The following PTPRA variants were observed in gnomAD, a reference collection of about 807,000 sequenced individuals.
PTPRA encodes receptor-type tyrosine-protein phosphatase alpha.
PTPRA carries 25 observed loss-of-function variants against 104.8 expected under a neutral mutation model. The ratio of observed to expected loss-of-function variants is 0.24; its 90% CI spans 0.17 to 0.33. The LOEUF is 0.33. Among genes scored for constraint, PTPRA ranks in the 10% least tolerant of loss-of-function variants. The pLI, the probability that PTPRA is intolerant of heterozygous loss-of-function variation, is 1.00. For missense variants in PTPRA, 765 were observed against 1,015.3 expected, an observed-to-expected ratio of 0.75 and a Z score of 3.35; for synonymous variants, 323 against 368.9, an observed-to-expected ratio of 0.88 and a Z score of 1.43.
chr20:3,031,522 C>A (rs2065453697), intron 20 of PTPRA, among the ~76,000 whole-genome samples: 1 of 152,090 alleles, frequency 6.6e-6, no homozygotes, highest in Admixed American at 6.6e-5. Flanking sequence ...GATGATCCAT[C>A]TATCCTCAAT....
chr20:3,007,554 G>C (rs2063932701), intron 11 of PTPRA, 134 bp downstream of exon 11: 5 of 956,026 alleles, frequency 5.2e-6, no homozygotes, highest in Middle Eastern at 2.6e-4. Context: ...TTTTTTAAGT[G>C]ACTGAATTTT....
chr20:2,979,217 A>G (rs2062568885), intron 6 of PTPRA, among the ~76,000 whole-genome samples: 1 of 152,158 alleles, frequency 6.6e-6, no homozygotes, highest in African/African-American at 2.4e-5. Flanking sequence ...AGAATTTAAG[A>G]ATTTTTTCAG....
chr20:3,010,444 C>T (rs898832797), intron 11 of PTPRA, among the ~76,000 whole-genome samples: 1 of 151,646 alleles, frequency 6.6e-6, no homozygotes, highest in Non-Finnish European at 1.5e-5. Context: ...CTGGCTAACA[C>T]GGTGAAACCC....
intron 6 of PTPRA, among the ~76,000 whole-genome samples, chr20:2,980,344 G>T (rs2062619272): frequency 6.6e-6 from 1 of 151,930 alleles, no homozygotes; most frequent in African/African-American, 2.4e-5. Context: ...GAGGCAGGCT[G>T]ATCACCTGAG....
intron 2 of PTPRA, among the ~76,000 whole-genome samples, chr20:2,939,356 A>T (rs2060820845): frequency 6.6e-6 from 1 of 152,148 alleles, no homozygotes; most frequent in African/African-American, 2.4e-5. Context: ...GAGAAAGATG[A>T]GTTCACCCAC....
intron 6 of PTPRA, among the ~76,000 whole-genome samples, chr20:2,978,135 G>A (rs1231095028): frequency 6.6e-6 from 1 of 152,124 alleles, no homozygotes; most frequent in African/African-American, 2.4e-5. Flanking sequence ...GGGTGTGGTG[G>A]TCCACTGAGT....
intron 9 of PTPRA, among the ~76,000 whole-genome samples, chr20:3,003,474 T>C (rs1362057129): frequency 1.3e-5 from 2 of 152,204 alleles, no homozygotes; most frequent in African/African-American, 4.8e-5. Context: ...TTTTTAAGGC[T>C]CATAAAATGT....
intron 3 of PTPRA, among the ~76,000 whole-genome samples, chr20:2,954,500 G>T (rs2061467066): frequency 6.6e-6 from 1 of 152,318 alleles, no homozygotes; most frequent in Admixed American, 6.5e-5. Flanking sequence ...TGGGATTACA[G>T]GCATGAGCCA....
chr20:3,013,201 A>G lies in PTPRA; in HGVS notation c.907-2648A>G, dbSNP rs192025248. ...TGCGTAGAGAACTGAGACCACACAC[A>G]TGGATCTTGAAGGGAACTAGGCACC... On this transcript the variant is annotated intron_variant, in intron 11 of 23. Coordinates refer to ENST00000399903, the MANE Select transcript of PTPRA (RefSeq NM_001385305.1). 2.9e-3 allele frequency among the ~76,000 whole-genome samples: 444 copies of G among 152,216 alleles called. 5 individuals carry two copies. Among genetic ancestry groups the G allele is most frequent in the African/African-American group, 9.8e-3 (407 of 41,512 alleles).
At chr20:2,890,971 T>C (rs545525607) in intron 1 of PTPRA, among the ~76,000 whole-genome samples, 9 of 152,344 alleles carry the variant, frequency 5.9e-5, no homozygotes, top group Admixed American at 2.0e-4. Flanking sequence ...CTGGTCTCCA[T>C]TGGGCTATCT....
chr20:2,959,677 G>A (rs956173673), intron 3 of PTPRA, among the ~76,000 whole-genome samples: 6 of 152,134 alleles, frequency 3.9e-5, no homozygotes, highest in African/African-American at 1.2e-4. Flanking sequence ...TTCCGGCCAG[G>A]CGCGGTGGCT....
chr20:2,980,712 A>T (rs550187475), intron 6 of PTPRA, among the ~76,000 whole-genome samples: 4 of 152,216 alleles, frequency 2.6e-5, no homozygotes, highest in East Asian at 3.9e-4. Flanking sequence ...AAGAAAAAAA[A>T]TTTTTTTAAA....
Position 2,944,230 on chromosome 20 carries a change from T to A in PTPRA, c.-49-3752T>A, listed in dbSNP as rs149997429. On this transcript the variant is annotated intron_variant, in intron 2 of 23. Coordinates refer to ENST00000399903, the MANE Select transcript of PTPRA (RefSeq NM_001385305.1). The stretch of plus-strand genomic sequence containing the variant: ...CTAATTTTTTTATTTTTAGTAGATA[T>A]AGGGTTTCACCATGTTGGCCAGGCT... 2.0e-5 allele frequency among the ~76,000 whole-genome samples: 3 copies of A among 152,050 alleles called. 1 individual carries two copies. Among genetic ancestry groups the A allele is most frequent in the African/African-American group, 7.2e-5 (3 of 41,468 alleles).
At chr20:2,890,409 G>A (rs2058749902) in intron 1 of PTPRA, among the ~76,000 whole-genome samples, 1 of 152,094 alleles carries the variant, frequency 6.6e-6, no homozygotes, top group Admixed American at 6.6e-5. Flanking sequence ...CTAGTAAATG[G>A]GTTCAGCTGT....
chr20:2,973,481 C>T (rs76949432), intron 5 of PTPRA, among the ~76,000 whole-genome samples: 476 of 152,220 alleles, frequency 3.1e-3, no homozygotes, highest in Middle Eastern at 0.024. Context: ...TAAATAAGAC[C>T]AAAGTGTCTT....
At chr20:3,014,363 C>T (rs919575758) in intron 11 of PTPRA, among the ~76,000 whole-genome samples, 4 of 151,878 alleles carry the variant, frequency 2.6e-5, no homozygotes, top group Non-Finnish European at 5.9e-5. Flanking sequence ...TCAGACCAGG[C>T]ACGGTGGCTC....
chr20:2,962,504 A>G (rs2061790869), intron 3 of PTPRA, among the ~76,000 whole-genome samples: 1 of 152,196 alleles, frequency 6.6e-6, no homozygotes, highest in Non-Finnish European at 1.5e-5. Context: ...CTATTAATTT[A>G]TCAAGAATAG....
chr20:2,897,384 CTTTT>C (rs60627339), intron 1 of PTPRA, among the ~76,000 whole-genome samples: 1 of 108,930 alleles, frequency 9.2e-6, no homozygotes, highest in Non-Finnish European at 1.8e-5. Context: ...CTTGGCATTT[CTTTT>C]TTTTTTTTTT....
At chr20:3,014,175 C>T (rs1381916163) in intron 11 of PTPRA, among the ~76,000 whole-genome samples, 1 of 152,186 alleles carries the variant, frequency 6.6e-6, no homozygotes, top group South Asian at 2.1e-4. Flanking sequence ...TTTCCATTTC[C>T]ATTCTCTAAT....
Sources: gnomAD v4.1 joint callset for allele counts (sites outside exome capture counted in the v4.1 genomes callset) on GRCh38, gnomAD v4.1.1 for gene constraint, MANE v1.5 for transcripts, NCBI Gene and HGNC (gene_info 2026-07-23, HGNC 2026-07-21) for gene names.